OSBPL10: variants seen among roughly 807,000 people sequenced by gnomAD.
OSBPL10 encodes the protein oxysterol binding protein like 10.
OSBPL10 carries 49 observed loss-of-function variants against 81.7 expected under a neutral mutation model. The ratio of observed to expected loss-of-function variants is 0.60; its 90% CI spans 0.48 to 0.76. The LOEUF (loss-of-function observed/expected upper bound fraction) is 0.76, where lower values mean the gene tolerates loss of function less well. Among genes scored for constraint, OSBPL10 ranks in the 30% least tolerant of loss-of-function variants. The pLI, the probability that OSBPL10 is intolerant of heterozygous loss-of-function variation, is 0.00. For missense variants in OSBPL10, 923 were observed against 987.8 expected (o/e 0.93, Z 0.88); for synonymous variants, 419 against 383.6 (o/e 1.09, Z -1.08).
rs533670439 is a variant in OSBPL10, at chr3:31,809,997, G to A, written c.729+20043C>T. On this transcript the variant is annotated intron_variant, in intron 4 of 11. Coordinates refer to ENST00000396556, the MANE Select transcript of OSBPL10 (RefSeq NM_017784.5). ...AGCGATTCTCCTGCCTCAGTCTCCCGAGTAGCTGGGATTACAGGCATGTGC... is the reference window on the plus strand; with the variant it reads ...AGCGATTCTCCTGCCTCAGTCTCCCAAGTAGCTGGGATTACAGGCATGTGC... Among the ~76,000 whole-genome samples, 22 of 150,092 alleles carry A rather than the reference G, an allele frequency of 1.5e-4. No individual in the cohort carries two copies. The East Asian group carries it at 1.8e-3, about 12-fold the overall frequency.
intron 1 of OSBPL10, among the ~76,000 whole-genome samples, chr3:31,923,808 TAAAAG>T (rs1696988206): frequency 6.6e-6 from 1 of 151,990 alleles, no homozygotes; most frequent in Non-Finnish European, 1.5e-5. Context: ...GAGGAGTAAG[TAAAAG>T]AAAAAGACCA....
At chr3:31,812,734 GAAAGAAAGAAAGAAAGAAAGAA>G (rs1699721471) in intron 4 of OSBPL10, among the ~76,000 whole-genome samples, 1 of 17,666 alleles carries the variant, frequency 5.7e-5, no homozygotes, top group Non-Finnish European at 9.3e-5. Context: ...AAGAAAGAAA[GAAAGAAAGAAAGAAAGAAAGAA>G]AGAAAGAAAG....
At chr3:31,811,147 G>T (rs1211036099) in intron 4 of OSBPL10, among the ~76,000 whole-genome samples, 2 of 150,316 alleles carry the variant, frequency 1.3e-5, no homozygotes, top group African/African-American at 4.9e-5. Context: ...GGGCTCAGAT[G>T]TAGCCTGTGG....
chr3:31,790,643 G>A (rs748403509), intron 4 of OSBPL10, among the ~76,000 whole-genome samples: 8 of 152,134 alleles, frequency 5.3e-5, no homozygotes, highest in East Asian at 1.9e-4. Flanking sequence ...TGCTTATGGC[G>A]CCTTGAAGTT....
chr3:31,757,055 G>A (rs1002392823), intron 4 of OSBPL10, among the ~76,000 whole-genome samples: 2 of 152,102 alleles, frequency 1.3e-5, no homozygotes, highest in African/African-American at 4.8e-5. Flanking sequence ...CTTTAAAATT[G>A]TTCCTATGCA....
At chr3:31,733,871 G>C (rs543826988) in intron 5 of OSBPL10, among the ~76,000 whole-genome samples, 4 of 151,870 alleles carry the variant, frequency 2.6e-5, no homozygotes, top group African/African-American at 4.8e-5. Context: ...TTAGCTGGGC[G>C]TGGTGGCGGG....
At chr3:31,762,299 G>A (rs529236047) in intron 4 of OSBPL10, among the ~76,000 whole-genome samples, 6 of 152,190 alleles carry the variant, frequency 3.9e-5, no homozygotes, top group South Asian at 4.2e-4. Flanking sequence ...AAATACTTCC[G>A]TTATCAAAGC....
chr3:32,046,393 C>T (rs1699622289), intron 2 of OSBPL10: 1 of 152,190 alleles, frequency 6.6e-6, no homozygotes, highest in Non-Finnish European at 1.5e-5. Context: ...CCTTTAGACT[C>T]CAAGTTCATT....
intron 1 of OSBPL10, among the ~76,000 whole-genome samples, chr3:31,914,858 C>T (rs1684119414): frequency 1.3e-5 from 2 of 152,164 alleles, no homozygotes; most frequent in South Asian, 4.1e-4. Flanking sequence ...GACAACATAC[C>T]TATATATCAT....
chr3:32,066,104 G>A lies in OSBPL10; in HGVS notation n.185+11292C>T, dbSNP rs1448967252. 2.3e-5 allele frequency among the ~76,000 whole-genome samples: 2 copies of A among 86,428 alleles called. 1 individual carries two copies. Among genetic ancestry groups the A allele is most frequent in the Admixed American group, 2.9e-4 (2 of 6,956 alleles). 56.7% of individuals were successfully genotyped at this position (86,428 alleles called of 152,430 possible). ...TGCGCCACTAGACTCCAGCCTGGGC[G>A]ACAGAGCAAGACCCTGAAGAAAGAG... On this transcript the variant is annotated intron_variant and non_coding_transcript_variant, in intron 1 of 3. Coordinates refer to the OSBPL10 transcript ENST00000479173.
At chr3:31,677,956 C>T (rs1700524552) in intron 8 of OSBPL10, among the ~76,000 whole-genome samples, 1 of 151,046 alleles carries the variant, frequency 6.6e-6, no homozygotes, top group African/African-American at 2.5e-5. Context: ...TGGCGGGCGC[C>T]TGTAGTCCCA....
At chr3:31,827,281 A>T (rs570134533) in intron 4 of OSBPL10, among the ~76,000 whole-genome samples, 61 of 152,126 alleles carry the variant, frequency 4.0e-4, no homozygotes, top group African/African-American at 1.4e-3. Context: ...ACAGATAGAC[A>T]ACAGAGAAAA....
intron 1 of OSBPL10, among the ~76,000 whole-genome samples, chr3:31,921,170 T>C (rs979221889): frequency 6.6e-6 from 1 of 152,128 alleles, no homozygotes; most frequent in Admixed American, 6.6e-5. Context: ...AAACTTAATA[T>C]AGATACACAT....
intron 4 of OSBPL10, among the ~76,000 whole-genome samples, chr3:31,758,829 T>G (rs542669038): frequency 6.6e-6 from 1 of 152,386 alleles, no homozygotes; most frequent in East Asian, 1.9e-4. Context: ...TATGTATATT[T>G]GGCCACCTTG....
In OSBPL10 at chr3:31,981,197, G is replaced by A; in HGVS notation, c.-18C>T. On this transcript the variant is annotated 5_prime_UTR_variant, in exon 1 of 12. Coordinates refer to ENST00000396556, the MANE Select transcript of OSBPL10 (RefSeq NM_017784.5). The surrounding 1 kb of genome is among the most constrained non-coding windows in gnomAD (Gnocchi z 4.5). ...CTCTCCATGGTCCGTGGGCGCCCGG[G>A]ACGCGGGTGCCCGCCGCGGTGGCGG... is the stretch of plus-strand genomic sequence containing the variant. 7.2e-7 allele frequency: 1 copy of A among 1,393,906 alleles called. No individual in the cohort carries two copies. Among genetic ancestry groups the A allele is most frequent in the South Asian group, 1.6e-5 (1 of 62,450 alleles). 86.3% of individuals were successfully genotyped at this position (1,393,906 alleles called of 1,614,324 possible).
chr3:31,981,192 C>A lies in OSBPL10; in HGVS notation c.-13G>T, dbSNP rs1308612313. The A allele has an allele frequency of 3.5e-6, 5 of 1,410,220 alleles. No individual in the cohort carries two copies. The highest frequency in any genetic ancestry group is 4.6e-6 in the Non-Finnish European group (5 of 1,089,046). The allele number at this position is 1,410,220 out of a possible 1,614,324, so 87.4% of individuals were successfully genotyped here. A position where few individuals can be genotyped will look rare whatever the true frequency, so the allele number is the denominator to read the frequency against. On this transcript the variant is annotated 5_prime_UTR_variant, in exon 1 of 12. Coordinates refer to ENST00000396556, the MANE Select transcript of OSBPL10 (RefSeq NM_017784.5). This position sits in a 1 kb window ranked among gnomAD's most constrained non-coding sequence, Gnocchi z 4.5. ...CTGCCCTCTCCATGGTCCGTGGGCGCCCGGGACGCGGGTGCCCGCCGCGGT... is the reference window on the plus strand; with the variant it reads ...CTGCCCTCTCCATGGTCCGTGGGCGACCGGGACGCGGGTGCCCGCCGCGGT...
chr3:31,788,234 C>G (rs1256904650), intron 4 of OSBPL10, among the ~76,000 whole-genome samples: 1 of 152,148 alleles, frequency 6.6e-6, no homozygotes, highest in Non-Finnish European at 1.5e-5. Context: ...TCAACATGAA[C>G]AGGAATACTG....
At chr3:31,990,594 T>C in intron 2 of OSBPL10, 1 of 1,614,132 alleles carries the variant, frequency 6.2e-7, no homozygotes, top group Non-Finnish European at 8.5e-7. Flanking sequence ...CAATTCATAC[T>C]GGAGAGAAAC....
intron 6 of OSBPL10, chr3:31,718,333 T>TTCACTGGGTTTAGTAG (rs1210628076): frequency 7.2e-5 from 11 of 152,198 alleles, no homozygotes; most frequent in Non-Finnish European, 1.2e-4. Flanking sequence ...TTCACTGTGT[T>TTCACTGGGTTTAGTAG]AGCCAGGATG....
Sources: gnomAD v4.1 joint callset for allele counts (sites outside exome capture counted in the v4.1 genomes callset) on GRCh38, gnomAD v4.1.1 for gene constraint, Gnocchi (gnomAD v3.1) non-coding constraint, MANE v1.5 for transcripts, NCBI Gene and HGNC (gene_info 2026-07-23, HGNC 2026-07-21) for gene names.